Variants in SPG7 observed in about 807,000 individuals in gnomAD.
The protein encoded by SPG7 is mitochondrial inner membrane m-AAA protease component paraplegin.
Under a neutral mutation model 81.9 loss-of-function variants are expected in SPG7, and 103 were observed. The ratio of observed to expected loss-of-function variants is 1.26; its 90% CI spans 1.07 to 1.48. The LOEUF (loss-of-function observed/expected upper bound fraction) is 1.48. SPG7 is among the 40% of genes most tolerant of loss of function. SPG7 has a pLI of 0.00. For missense variants in SPG7, 1,241 were observed against 1,087.3 expected (o/e 1.14, Z -1.99); for synonymous variants, 534 against 444.2 (o/e 1.20, Z -2.54).
At chr16:89,528,409 A>AAAGAAGAAG in intron 5 of SPG7, among the ~76,000 whole-genome samples, 1 of 147,166 alleles carries the variant, frequency 6.8e-6, no homozygotes, top group East Asian at 2.1e-4. Context: ...AAAAAAAAAA[A>AAAGAAGAAG]AAGAAGAAGA....
At chr16:89,531,843 C>T (rs1597633313) in intron 7 of SPG7, 61 bp from the exon 8 acceptor site, 2 of 1,593,680 alleles carry the variant, frequency 1.3e-6, no homozygotes, top group South Asian at 1.1e-5. Context: ...GACCTTACCT[C>T]TAAAAAACAA....
At chr16:89,523,670 C>G in intron 3 of SPG7, 1 of 475,376 alleles carries the variant, frequency 2.1e-6, no homozygotes, top group Non-Finnish European at 4.2e-6. Context: ...CAGCTTCAAC[C>G]TCCCGCCTCA....
Position 89,532,605 on chromosome 16 carries a change from G to A in SPG7, c.1293G>A (p.Gln431=), listed in dbSNP as rs746612419. The change falls in exon 9 of 17, where the codon CAG becomes CAA. Residue 431 remains glutamine (Q), a synonymous_variant. Coordinates refer to ENST00000645818, the MANE Select transcript of SPG7 (RefSeq NM_003119.4). ...MSGFSNTEEE[Q]TLNQLLVEMD... Reference sequence around the variant, plus strand: ...GCTTCTCCAACACGGAGGAGGAGCAGACGCTCAACCAGCTTCTGGTAGAAA... The same window carrying A: ...GCTTCTCCAACACGGAGGAGGAGCAAACGCTCAACCAGCTTCTGGTAGAAA... 2 of 1,613,780 alleles carry A rather than the reference G, an allele frequency of 1.2e-6. No homozygotes were observed. The highest frequency in any genetic ancestry group is 1.7e-6 in the Non-Finnish European group (2 of 1,180,050).
intron 15 of SPG7, among the ~76,000 whole-genome samples, 170 bp downstream of exon 15, chr16:89,554,130 T>A (rs2058664705): frequency 6.6e-6 from 1 of 152,232 alleles, no homozygotes; most frequent in African/African-American, 2.4e-5. Flanking sequence ...GAGTATTTTC[T>A]TCTCAAATGA....
intron 4 of SPG7, 145 bp from the exon 5 acceptor site, chr16:89,526,184 G>A (rs1222671687): frequency 2.1e-6 from 2 of 938,364 alleles, no homozygotes; most frequent in Non-Finnish European, 3.5e-6. Flanking sequence ...CGTACGTTAG[G>A]AATCACCTCT....
intron 5 of SPG7, 109 bp downstream of exon 5, chr16:89,526,577 A>AT: frequency 8.5e-7 from 1 of 1,179,450 alleles, no homozygotes; most frequent in Non-Finnish European, 1.3e-6. Context: ...ATAGTTAACT[A>AT]GACTTTTTAG....
At chr16:89,541,962 C>A (rs377146101) in intron 9 of SPG7, 18 of 150,340 alleles carry the variant, frequency 1.2e-4, no homozygotes, top group African/African-American at 4.2e-4. Flanking sequence ...GGAGCACGTG[C>A]CCCGCAGGGT....
rs1395700928 is a variant in SPG7 at position 89,557,452 on chromosome 16, C to T, written c.*359C>T. 9 of 311,370 alleles carry T rather than the reference C, an allele frequency of 2.9e-5. No homozygotes were observed. The Admixed American group carries it at 3.7e-4, about 13-fold the overall frequency. The allele number at this position is 311,370 out of a possible 1,614,324, so 19.3% of individuals were successfully genotyped here. A position where few individuals can be genotyped will look rare whatever the true frequency, so the allele number is the denominator to read the frequency against. The stretch of plus-strand genomic sequence containing the variant: ...ACTCCAAACAGACCCCTGTTCATGC[C>T]GACGCTTGCACGACCGCCCCAGTTC... On this transcript the variant is annotated 3_prime_UTR_variant, in exon 17 of 17. Coordinates refer to ENST00000645818, the MANE Select transcript of SPG7 (RefSeq NM_003119.4).
intron 3 of SPG7, among the ~76,000 whole-genome samples, chr16:89,515,241 C>T (rs1004910042): frequency 1.0e-4 from 12 of 117,640 alleles, no homozygotes; most frequent in African/African-American, 3.4e-4. Flanking sequence ...CAGCCCTGGA[C>T]CTTTTTTTTT....
At position 89,526,263 on chromosome 16, in the gene SPG7, G is replaced by C; in HGVS notation, c.619-66G>C. ...ACCATGAGTTCCAGGCGGGCTCTCT[G>C]TTGACTGTAGGGTTGCTCGTCTGTC... On this transcript the variant is annotated intron_variant, in intron 4 of 16. Coordinates refer to ENST00000645818, the MANE Select transcript of SPG7 (RefSeq NM_003119.4). 3 of 1,599,070 alleles carry C rather than the reference G, an allele frequency of 1.9e-6. No individual in the cohort carries two copies. In the South Asian group the frequency reaches 3.3e-5, roughly 18 times the overall value.
At position 89,531,979 on chromosome 16, in the gene SPG7, A is replaced by G. The variant is rs1567914121; in HGVS notation, c.1063A>G (p.Lys355Glu). 6.2e-7 allele frequency: 1 copy of G among 1,613,900 alleles called. No homozygotes were observed. The highest frequency in any genetic ancestry group is 8.5e-7 in the Non-Finnish European group (1 of 1,179,846). Residue 355 changes from lysine to glutamate, a missense_variant, in exon 8 of 17, where the codon AAG (lysine) becomes GAG (glutamate). By Grantham distance (56) the Lys-to-Glu change is moderately conservative (BLOSUM62 1). Coordinates refer to ENST00000645818, the MANE Select transcript of SPG7 (RefSeq NM_003119.4). ...GCTGCTCGGCCCCCCCGGCTGTGGG[A>G]AGACGCTGCTGGCCAAGGCGGTGGC... ...ALLLGPPGCG[K>E]TLLAKAVATE...
chr16:89,529,763 G>T, intron 6 of SPG7, 184 bp downstream of exon 6: 1 of 659,518 alleles, frequency 1.5e-6, no homozygotes, highest in Non-Finnish European at 2.8e-6. Flanking sequence ...AGTAACCAAT[G>T]TTGCCTGAGG....
Position 89,529,408 on chromosome 16 carries a change from T to C in SPG7, c.759-69T>C, listed in dbSNP as rs1305251586. 5.0e-6 allele frequency: 5 copies of C among 1,005,630 alleles called. No homozygotes were observed. The Admixed American group carries it at 9.8e-5, about 20-fold the overall frequency. The allele number at this position is 1,005,630 out of a possible 1,614,324, so 62.3% of individuals were successfully genotyped here. On this transcript the variant is annotated intron_variant, in intron 5 of 16. Coordinates refer to ENST00000645818, the MANE Select transcript of SPG7 (RefSeq NM_003119.4). ...TTGGAAACATTGCCAGCAGTGGTTC[T>C]GATTTGGAAGCCTGCGTCTGTCACG...
Position 89,556,868 on chromosome 16 carries a change from C to T in SPG7, c.2182-19C>T, listed in dbSNP as rs752601752. On this transcript the variant is annotated intron_variant, in intron 16 of 16. Coordinates refer to ENST00000645818, the MANE Select transcript of SPG7 (RefSeq NM_003119.4). ...GTCTGCCCTGGGGACTCACACACTG[C>T]TATGCCTGTTCTTTCTAGCTGGCAA... is the stretch of plus-strand genomic sequence containing the variant. 5.0e-6 allele frequency: 8 copies of T among 1,595,508 alleles called. No individual in the cohort carries two copies. The East Asian group carries it at 1.3e-4, about 27-fold the overall frequency.
intron 3 of SPG7, chr16:89,522,301 G>C (rs1055368230): frequency 6.6e-6 from 1 of 152,230 alleles, no homozygotes; most frequent in Non-Finnish European, 1.5e-5. Context: ...TAAAATGATT[G>C]TTGGAAAGGA....
chr16:89,545,586 G>T (rs564122091), intron 10 of SPG7: 3 of 218,528 alleles, frequency 1.4e-5, no homozygotes, highest in South Asian at 5.2e-5. Flanking sequence ...CAGGGGACAT[G>T]GCTTCTCCAG....
chr16:89,536,642 GAGGTGGGCGAGGCA>G, intron 9 of SPG7: 1 of 1,181,696 alleles, frequency 8.5e-7, no homozygotes, highest in Non-Finnish European at 1.2e-6. Context: ...TGAGGCGGGC[GAGGTGGGCGAGGCA>G]GGCGAGGCGG....
At chr16:89,536,868 A>T in intron 9 of SPG7, 4 of 1,614,178 alleles carry the variant, frequency 2.5e-6, no homozygotes, top group Non-Finnish European at 3.4e-6. Context: ...CACGGAGGGC[A>T]ATGGAGGGTC....
intron 9 of SPG7, chr16:89,533,446 C>T (rs1016689109): frequency 4.6e-5 from 7 of 152,206 alleles, no homozygotes; most frequent in South Asian, 2.1e-4. Flanking sequence ...AGATTACAGA[C>T]GTGAGCCTTA....
Sources: allele counts gnomAD v4.1 joint callset (sites outside exome capture counted in the v4.1 genomes callset), GRCh38; gene constraint gnomAD v4.1.1; transcripts MANE v1.5; gene names NCBI Gene and HGNC (gene_info 2026-07-23, HGNC 2026-07-21).